The following AP2B1 variants were observed in gnomAD, a reference collection of about 807,000 sequenced individuals.
AP2B1 encodes AP-2 complex subunit beta.
A neutral mutation model predicts 102.0 loss-of-function variants in AP2B1; 23 were observed. That is an observed-to-expected ratio of 0.23 (90% CI 0.16 to 0.32). The LOEUF is 0.32. Among genes scored for constraint, AP2B1 ranks in the 10% least tolerant of loss-of-function variants. The pLI is 1.00. For synonymous variants in AP2B1, 381 were observed against 421.2 expected (o/e 0.90, Z 1.17); for missense variants, 541 against 1,157.4 (o/e 0.47, Z 7.73).
chr17:35,627,226 C>T (rs1351164443), intron 7 of AP2B1, among the ~76,000 whole-genome samples, 159 bp from the exon 8 acceptor site: 1 of 122,440 alleles, frequency 8.2e-6, no homozygotes, highest in South Asian at 2.8e-4. Context: ...AGAATAGAGG[C>T]GTATAGAGGA....
intron 13 of AP2B1, among the ~76,000 whole-genome samples, chr17:35,655,630 AT>A (rs1355988299): frequency 1.8e-4 from 28 of 152,134 alleles, no homozygotes; most frequent in Non-Finnish European, 3.7e-4. Flanking sequence ...TGGTAGACTT[AT>A]GTATATATTT....
In AP2B1 at chr17:35,664,091, A is replaced by G. The variant is rs1247634307; in HGVS notation, c.1989+6300A>G. On this transcript the variant is annotated intron_variant, in intron 14 of 21. Transcript: ENST00000610402. The stretch of plus-strand genomic sequence containing the variant: ...TTTTCATTTAAGTAAAACCACAAAA[A>G]TCTCCGTTTCCCATCTCTTCACCAG... Among the ~76,000 whole-genome samples the G allele has an allele frequency of 2.6e-5, 4 of 152,116 alleles. No individual in the cohort carries two copies. In the South Asian group the frequency reaches 6.2e-4, roughly 24 times the overall value.
chr17:35,674,245 A>G lies in AP2B1; in HGVS notation c.2248A>G (p.Ile750Val), dbSNP rs755459569. Residue 750 changes from isoleucine (I) to valine (V), a missense_variant, in exon 17 of 22, where the codon ATC becomes GTC. By Grantham distance (29) the Ile-to-Val change is conservative. Around this residue, in one of 10 missense-constraint regions of AP2B1, gnomAD observed 62 missense variants for 87.6 expected, o/e 0.71. Coordinates refer to ENST00000610402, the MANE Select transcript of AP2B1 (RefSeq NM_001030006.2). The stretch of plus-strand genomic sequence containing the variant: ...AACATTTACTCACCGCCAAGGGCAC[A>G]TCTATATGGAAATGAACTTCACCAA... Reference protein sequence around the residue: ...SGTFTHRQGHIYMEMNFTNKA... With the variant: ...SGTFTHRQGHVYMEMNFTNKA... The G allele has an allele frequency of 6.2e-7, 1 of 1,614,220 alleles. No individual in the cohort carries two copies. The highest frequency in any genetic ancestry group is 8.5e-7 in the Non-Finnish European group (1 of 1,180,040).
chr17:35,626,961 A>G (rs1382180625), intron 7 of AP2B1, 119 bp downstream of exon 7: 5 of 1,017,572 alleles, frequency 4.9e-6, no homozygotes, highest in African/African-American at 1.6e-5. Context: ...AAAATGTTAT[A>G]TGGCAGAAAA....
intron 18 of AP2B1, among the ~76,000 whole-genome samples, chr17:35,706,245 C>G (rs1373766627): frequency 1.3e-5 from 2 of 150,954 alleles, no homozygotes; most frequent in African/African-American, 4.8e-5. Flanking sequence ...TTTAGCACCA[C>G]TTACCTAGAG....
At chr17:35,675,405 G>A (rs2075678327) in intron 17 of AP2B1, among the ~76,000 whole-genome samples, 1 of 152,176 alleles carries the variant, frequency 6.6e-6, no homozygotes, top group Admixed American at 6.5e-5. Flanking sequence ...TTGTACTCTG[G>A]ATTTGAGAGC....
chr17:35,672,628 G>T (rs2075612811), intron 16 of AP2B1, among the ~76,000 whole-genome samples: 1 of 152,202 alleles, frequency 6.6e-6, no homozygotes, highest in Non-Finnish European at 1.5e-5. Flanking sequence ...ATAACTGAGT[G>T]TGTATAGTTA....
In AP2B1 at chr17:35,659,754, G is replaced by A. The variant is rs147663520; in HGVS notation, c.1989+1963G>A. The A allele has an allele frequency of 2.1e-5, 20 of 963,484 alleles. No individual in the cohort carries two copies. In the African/African-American group the frequency reaches 2.8e-4, roughly 14 times the overall value. The allele number at this position is 963,484 out of a possible 1,614,324, so 59.7% of individuals were successfully genotyped here. A position where few individuals can be genotyped will look rare whatever the true frequency, so the allele number is the denominator to read the frequency against. On this transcript the variant is annotated intron_variant, in intron 14 of 21. Coordinates refer to ENST00000610402, the MANE Select transcript of AP2B1 (RefSeq NM_001030006.2). ...CTTTGGGATCTAAAATGGTATCCTT[G>A]GTGTTACAGCCCCAGAAATTGTTTA...
At chr17:35,656,978 G>A (rs1293174149) in intron 13 of AP2B1, among the ~76,000 whole-genome samples, 11 of 151,152 alleles carry the variant, frequency 7.3e-5, no homozygotes, top group African/African-American at 2.7e-4. Context: ...CCCAAACTCT[G>A]CTCCTGCCAA....
At chr17:35,691,098 C>G (rs587630831) in intron 18 of AP2B1, among the ~76,000 whole-genome samples, 83 of 148,818 alleles carry the variant, frequency 5.6e-4, no homozygotes, top group African/African-American at 2.0e-3. Context: ...TTTTTTTTTT[C>G]TTTGAATATC....
chr17:35,627,660 A>G lies in AP2B1; in HGVS notation c.1089A>G (p.Thr363=). The change falls in exon 9 of 22, where the codon ACA becomes ACG. Residue 363 remains threonine, a synonymous_variant. Transcript: ENST00000610402. ...QVLAELKEYA[T]EVDVDFVRKA... ...TGGCAGAACTGAAAGAATATGCTAC[A>G]GAGGTGGATGTTGACTTTGTTCGAA... is the stretch of plus-strand genomic sequence containing the variant. 6.2e-7 allele frequency: 1 copy of G among 1,614,138 alleles called. No homozygotes were observed. The highest frequency in any genetic ancestry group is 1.3e-5 in the African/African-American group (1 of 75,042).
intron 14 of AP2B1, among the ~76,000 whole-genome samples, chr17:35,667,291 T>G (rs1470652429): frequency 6.6e-6 from 1 of 152,226 alleles, no homozygotes; most frequent in African/African-American, 2.4e-5. Flanking sequence ...GCTGTAGTCT[T>G]GCTAGTTAGA....
At chr17:35,630,674 T>G (rs1172923822) in intron 9 of AP2B1, among the ~76,000 whole-genome samples, 4 of 152,216 alleles carry the variant, frequency 2.6e-5, no homozygotes, top group African/African-American at 7.2e-5. Flanking sequence ...TCAAGGCTGT[T>G]AGTCATCTAT....
In AP2B1 at chr17:35,639,551, CT is replaced by C. The variant is rs1436155042; in HGVS notation, c.1272-42del. ...TTTAGCCTTCACTGTTAAATTAGTT[CT>C]TAGTTTTGCCCTCAATAACCATAGT... On this transcript the variant is annotated intron_variant, in intron 10 of 21. Transcript: ENST00000610402. 2 of 1,552,918 alleles carry C rather than the reference CT, an allele frequency of 1.3e-6. 1 individual carries two copies.
At chr17:35,640,340 G>A (rs1453856178) in intron 11 of AP2B1, among the ~76,000 whole-genome samples, 5 of 151,212 alleles carry the variant, frequency 3.3e-5, no homozygotes, top group African/African-American at 7.3e-5. Context: ...AGGTTCAGGC[G>A]ATTCTCCCAC....
chr17:35,616,233 C>G lies in AP2B1; in HGVS notation c.525+7846C>G, dbSNP rs572914571. Among the ~76,000 whole-genome samples the G allele has an allele frequency of 5.6e-4, 72 of 128,028 alleles. 1 individual carries two copies. In the South Asian group the frequency reaches 0.018, roughly 33 times the overall value. 84.0% of individuals were successfully genotyped at this position (128,028 alleles called of 152,430 possible). On this transcript the variant is annotated intron_variant, in intron 5 of 21. Coordinates refer to ENST00000610402, the MANE Select transcript of AP2B1 (RefSeq NM_001030006.2). The stretch of plus-strand genomic sequence containing the variant: ...AGGCTGGAGTGCAGTGGCGCGATCT[C>G]GGCTCACTGCAAGCTCCGCCTCCCG...
intron 14 of AP2B1, among the ~76,000 whole-genome samples, chr17:35,662,532 G>GT (rs34547701): frequency 0.072 from 7,930 of 110,020 alleles, 349 homozygotes; most frequent in Middle Eastern, 0.11. Flanking sequence ...GTTTGGGTTT[G>GT]TTTTTTTTTT....
rs564524272 is a variant in AP2B1, at chr17:35,635,083, G to T, written c.1156-1258G>T. On this transcript the variant is annotated intron_variant, in intron 9 of 21. Transcript: ENST00000610402. ...TTGGTGGGGTTGGGGGCATAGTCTC[G>T]CTCTGTCGGCCAGGCTGTAGTGCAG... Among the ~76,000 whole-genome samples, 4 of 152,168 alleles carry T rather than the reference G, an allele frequency of 2.6e-5. No individual in the cohort carries two copies. The East Asian group carries it at 5.8e-4, about 22-fold the overall frequency.
chr17:35,606,945 G>C (rs1260326693), intron 4 of AP2B1, among the ~76,000 whole-genome samples: 1 of 134,964 alleles, frequency 7.4e-6, no homozygotes, highest in Non-Finnish European at 1.6e-5. Context: ...CACTCTTGTT[G>C]CCCGGGCTGG....
Sources: allele counts gnomAD v4.1 joint callset (sites outside exome capture counted in the v4.1 genomes callset), GRCh38; gene constraint gnomAD v4.1.1; regional missense constraint gnomAD v4.1.1; transcripts MANE v1.5; gene names NCBI Gene and HGNC (gene_info 2026-07-23, HGNC 2026-07-21).